Variants in SHROOM2 observed in about 807,000 individuals in gnomAD.
The protein encoded by SHROOM2 is shroom family member 2.
A neutral mutation model predicts 75.9 loss-of-function variants in SHROOM2; 33 were observed. The observed-to-expected ratio is 0.43, with a 90% CI of 0.33 to 0.58. The LOEUF (loss-of-function observed/expected upper bound fraction) is 0.58, where lower values mean the gene tolerates loss of function less well. Ranked by LOEUF, SHROOM2 falls within the 20% of genes least tolerant of loss-of-function variation. The probability of loss-of-function intolerance (pLI) is 0.04; values close to 1 mark genes in which losing one functional copy is unlikely to be tolerated. For missense variants in SHROOM2, 1,434 were observed against 1,461.2 expected (o/e 0.98, Z 0.30); for synonymous variants, 655 against 663.6 (o/e 0.99, Z 0.20).
chrX:9,911,638 A>G (rs1352462283), intron 5 of SHROOM2, among the ~76,000 whole-genome samples: 1 of 110,960 alleles, frequency 9.0e-6, no homozygotes, highest in Non-Finnish European at 1.9e-5. Flanking sequence ...CAGGGACTTT[A>G]AATAGAGATC....
chrX:9,896,742 A>G (rs1362970053), intron 4 of SHROOM2, 44 bp downstream of exon 4: 4 of 1,102,389 alleles, frequency 3.6e-6, no homozygotes, highest in East Asian at 3.3e-5. Context: ...TCTTAACCCA[A>G]GGACAGGACA....
intron 5 of SHROOM2, among the ~76,000 whole-genome samples, chrX:9,920,139 A>G (rs2238884): frequency 0.03 from 3,242 of 109,808 alleles, 89 homozygotes; most frequent in East Asian, 0.11. Flanking sequence ...ACTCGCTACA[A>G]CTCATCAGAC....
chrX:9,837,827 G>A (rs1427259638), intron 1 of SHROOM2, among the ~76,000 whole-genome samples: 1 of 111,111 alleles, frequency 9.0e-6, no homozygotes, highest in African/African-American at 3.3e-5. Flanking sequence ...ATAATGTGTG[G>A]CAGGTTCCTC....
intron 2 of SHROOM2, among the ~76,000 whole-genome samples, chrX:9,876,613 A>G (rs1002298911): frequency 8.9e-6 from 1 of 112,321 alleles, no homozygotes; most frequent in East Asian, 2.8e-4. Flanking sequence ...TCATGAAAGG[A>G]ACTCTGCAGG....
At chrX:9,839,952 G>A (rs1172656616) in intron 1 of SHROOM2, among the ~76,000 whole-genome samples, 1 of 111,553 alleles carries the variant, frequency 9.0e-6, no homozygotes, top group African/African-American at 3.3e-5. Flanking sequence ...CCGAGTTTGG[G>A]TAAGACTTGT....
intron 8 of SHROOM2, among the ~76,000 whole-genome samples, chrX:9,940,029 C>T (rs936012410): frequency 5.4e-5 from 6 of 112,103 alleles, no homozygotes; most frequent in African/African-American, 1.6e-4. Context: ...ATCCACCCAC[C>T]GCAGCCTCCC....
chrX:9,801,809 G>A (rs1026275404), intron 1 of SHROOM2, among the ~76,000 whole-genome samples: 4 of 109,228 alleles, frequency 3.7e-5, no homozygotes, highest in African/African-American at 1.3e-4. Context: ...CAAAAAATTA[G>A]CCAGGCGTTG....
intron 5 of SHROOM2, among the ~76,000 whole-genome samples, chrX:9,900,065 G>C (rs2084357644): frequency 9.0e-6 from 1 of 111,504 alleles, no homozygotes; most frequent in Non-Finnish European, 1.9e-5. Context: ...TGAAAGGGTC[G>C]AGAGGAAGCG....
In SHROOM2 at chrX:9,807,752, A is replaced by T. The variant is rs144402275; in HGVS notation, c.165+21042A>T. 6.0e-4 allele frequency among the ~76,000 whole-genome samples: 67 copies of T among 112,245 alleles called. No homozygotes were observed. The East Asian group carries it at 0.018, about 30-fold the overall frequency. On this transcript the variant is annotated intron_variant, in intron 1 of 9. Coordinates refer to ENST00000380913, the MANE Select transcript of SHROOM2 (RefSeq NM_001649.4). ...AGGTGATGCTTTTCTGTGAAAAGGC[A>T]TTTCTCACTGTCTAAAGGGAGCCCT...
intron 5 of SHROOM2, among the ~76,000 whole-genome samples, chrX:9,920,757 C>T (rs2084537752): frequency 8.9e-6 from 1 of 112,000 alleles, no homozygotes; most frequent in Admixed American, 9.5e-5. Flanking sequence ...AGCAGATAAC[C>T]TGATGTGTTT....
In SHROOM2 at chrX:9,873,760, C is replaced by G; in HGVS notation, c.274C>G (p.Leu92Val). The G allele has an allele frequency of 8.3e-7, 1 of 1,211,452 alleles. No homozygotes were observed. Among genetic ancestry groups the G allele is most frequent in the Non-Finnish European group, 1.1e-6 (1 of 895,355 alleles). ...LSGFRQEAIC[L>V]VKGSHKTLKL... Reference sequence around the variant, plus strand: ...AGGGTTTAGACAGGAAGCGATTTGCCTGGTGAAGGGGTCCCATAAGACCCT... The same window carrying G: ...AGGGTTTAGACAGGAAGCGATTTGCGTGGTGAAGGGGTCCCATAAGACCCT... Residue 92 changes from leucine to valine, a missense_variant, in exon 2 of 10, where the codon CTG becomes GTG. Physicochemically the swap from Leu to Val is conservative, Grantham distance 32. Transcript: ENST00000380913.
intron 5 of SHROOM2, among the ~76,000 whole-genome samples, chrX:9,905,883 C>A (rs1247041625): frequency 1.8e-5 from 2 of 111,622 alleles, no homozygotes; most frequent in Non-Finnish European, 3.8e-5. Context: ...GGGTACCGTG[C>A]CAGCAGAGCT....
intron 6 of SHROOM2, among the ~76,000 whole-genome samples, chrX:9,935,236 G>A (rs1471914145): frequency 9.0e-6 from 1 of 111,321 alleles, no homozygotes; most frequent in Non-Finnish European, 1.9e-5. Flanking sequence ...AGCCGGGGGG[G>A]CGGGGGTGAA....
intron 2 of SHROOM2, among the ~76,000 whole-genome samples, chrX:9,886,354 C>CTG (rs1233528872): frequency 8.9e-6 from 1 of 112,418 alleles, no homozygotes; most frequent in African/African-American, 3.2e-5. Flanking sequence ...GACCTCAACC[C>CTG]TGTATCTTTT....
intron 5 of SHROOM2, among the ~76,000 whole-genome samples, chrX:9,914,023 T>G (rs756001229): frequency 9.5e-4 from 104 of 109,131 alleles, no homozygotes; most frequent in African/African-American, 3.1e-3. Flanking sequence ...ATTTTATACT[T>G]TGTCCCTTTC....
At chrX:9,793,970 C>T (rs1198362914) in intron 1 of SHROOM2, among the ~76,000 whole-genome samples, 2 of 111,744 alleles carry the variant, frequency 1.8e-5, no homozygotes, top group Non-Finnish European at 3.8e-5. Flanking sequence ...ATCCTGAACT[C>T]ATGGCCTCAA....
At chrX:9,830,556 T>C (rs1221551897) in intron 1 of SHROOM2, among the ~76,000 whole-genome samples, 4 of 106,231 alleles carry the variant, frequency 3.8e-5, no homozygotes, top group Admixed American at 1.0e-4. Flanking sequence ...GTTTAGCTGT[T>C]ACAGGGTCTC....
intron 1 of SHROOM2, among the ~76,000 whole-genome samples, chrX:9,835,847 C>G (rs2083941618): frequency 9.0e-6 from 1 of 111,264 alleles, no homozygotes; most frequent in African/African-American, 3.3e-5. Context: ...AAGTAATCCT[C>G]TCATCACTGG....
intron 2 of SHROOM2, among the ~76,000 whole-genome samples, chrX:9,885,363 C>G (rs1389926352): frequency 9.1e-6 from 1 of 109,997 alleles, no homozygotes; most frequent in Non-Finnish European, 1.9e-5. Context: ...CCAGAGCACT[C>G]TGTCCCCAAC....
Sources: gnomAD v4.1 joint callset for allele counts (sites outside exome capture counted in the v4.1 genomes callset) on GRCh38, gnomAD v4.1.1 for gene constraint, MANE v1.5 for transcripts, NCBI Gene and HGNC (gene_info 2026-07-23, HGNC 2026-07-21) for gene names.